SEMA5A: variants seen among roughly 807,000 people sequenced by gnomAD.
The protein encoded by SEMA5A is semaphorin 5A, also known as semaphorin-5A.
Under a neutral mutation model 135.5 loss-of-function variants are expected in SEMA5A, and 55 were observed. The observed-to-expected ratio is 0.41, with a 90% CI of 0.33 to 0.51. The LOEUF (loss-of-function observed/expected upper bound fraction) is 0.51, where lower values mean the gene tolerates loss of function less well. Among genes scored for constraint, SEMA5A ranks in the 20% least tolerant of loss-of-function variants. SEMA5A has a pLI of 0.37. For missense variants in SEMA5A, 1,290 were observed against 1,419.9 expected (o/e 0.91, Z 1.47); for synonymous variants, 580 against 546.5 (o/e 1.06, Z -0.85).
rs186381424 is a variant in SEMA5A, at chr5:9,056,059, T to C, written c.2519-1802A>G. On this transcript the variant is annotated intron_variant, in intron 18 of 22. Coordinates refer to ENST00000382496, the MANE Select transcript of SEMA5A (RefSeq NM_003966.3). ...TAGTAATGGCAAGTGTCTTAGATCT[T>C]GGCTTTCTAAATGCGCACAAGGCAG... Among the ~76,000 whole-genome samples, 3 of 152,268 alleles carry C rather than the reference T, an allele frequency of 2.0e-5. No individual in the cohort carries two copies. The East Asian group carries it at 5.8e-4, about 29-fold the overall frequency.
chr5:9,251,280 T>C (rs1177807223), intron 5 of SEMA5A, among the ~76,000 whole-genome samples: 1 of 152,132 alleles, frequency 6.6e-6, no homozygotes, highest in Non-Finnish European at 1.5e-5. Flanking sequence ...ACCCAGCCTA[T>C]GGTAATCTAA....
At chr5:9,404,268 C>T (rs551941589) in intron 2 of SEMA5A, among the ~76,000 whole-genome samples, 5 of 152,282 alleles carry the variant, frequency 3.3e-5, no homozygotes, top group Non-Finnish European at 7.4e-5. Context: ...CATATGATTT[C>T]TCTGTTCATT....
intron 2 of SEMA5A, among the ~76,000 whole-genome samples, chr5:9,388,534 C>T (rs1407572658): frequency 1.3e-5 from 2 of 151,756 alleles, no homozygotes; most frequent in African/African-American, 4.8e-5. Flanking sequence ...ATGTAACTAC[C>T]TTGGCAATTT....
At chr5:9,390,522 T>C (rs1756114409) in intron 2 of SEMA5A, among the ~76,000 whole-genome samples, 1 of 152,210 alleles carries the variant, frequency 6.6e-6, no homozygotes, top group Non-Finnish European at 1.5e-5. Flanking sequence ...CTAATAAACT[T>C]AGATAAACTA....
At chr5:9,250,617 GA>G (rs1453495752) in intron 5 of SEMA5A, among the ~76,000 whole-genome samples, 2 of 152,102 alleles carry the variant, frequency 1.3e-5, no homozygotes, top group Non-Finnish European at 2.9e-5. Context: ...ACCAACCAAA[GA>G]AAATCTTATG....
At chr5:9,529,921 T>C (rs1737348256) in intron 1 of SEMA5A, among the ~76,000 whole-genome samples, 1 of 152,202 alleles carries the variant, frequency 6.6e-6, no homozygotes, top group African/African-American at 2.4e-5. Context: ...CCTGTAGCCC[T>C]AGGCATAGTT....
chr5:9,498,379 GA>G (rs1406030405), intron 1 of SEMA5A: 1 of 152,160 alleles, frequency 6.6e-6, no homozygotes, highest in African/African-American at 2.4e-5. Context: ...ACCATCCATC[GA>G]ATTCTTTGGA....
At chr5:9,415,611 T>C (rs1215439636) in intron 2 of SEMA5A, among the ~76,000 whole-genome samples, 2 of 152,130 alleles carry the variant, frequency 1.3e-5, no homozygotes, top group Non-Finnish European at 2.9e-5. Context: ...TGGCGAAGTA[T>C]CAAAAGGCAA....
At chr5:9,298,088 C>T (rs988704804) in intron 5 of SEMA5A, among the ~76,000 whole-genome samples, 3 of 152,144 alleles carry the variant, frequency 2.0e-5, no homozygotes, top group African/African-American at 7.2e-5. Flanking sequence ...GAAGTCCTAA[C>T]CCCCAGTACC....
rs200334292 is a variant in SEMA5A at position 9,352,341 on chromosome 5, TCTATCTAGCTATCTAG to T, written c.125-14545_125-14530del. 3.8e-3 allele frequency among the ~76,000 whole-genome samples: 573 copies of T among 152,264 alleles called. 6 individuals carry two copies. The highest frequency in any genetic ancestry group is 0.013 in the African/African-American group (545 of 41,510). ...TTTTTAATTTGTATCTATCTATCCA[TCTATCTAGCTATCTAG>T]CTATCTAGCTAGCTAGCTATCGTCT... On this transcript the variant is annotated intron_variant, in intron 3 of 22. Coordinates refer to ENST00000382496, the MANE Select transcript of SEMA5A (RefSeq NM_003966.3).
At chr5:9,102,621 T>A (rs1488664115) in intron 16 of SEMA5A, among the ~76,000 whole-genome samples, 1 of 151,122 alleles carries the variant, frequency 6.6e-6, no homozygotes, top group East Asian at 1.9e-4. Context: ...AAAACAGCAT[T>A]GTCAGAAGTT....
intron 1 of SEMA5A, among the ~76,000 whole-genome samples, chr5:9,497,892 T>G (rs1735384476): frequency 6.6e-6 from 1 of 152,230 alleles, no homozygotes; most frequent in South Asian, 2.1e-4. Context: ...GGAAGATTCA[T>G]TCTATTATTT....
chr5:9,231,874 T>TC (rs1351829593), intron 6 of SEMA5A, among the ~76,000 whole-genome samples: 4 of 152,220 alleles, frequency 2.6e-5, no homozygotes, highest in Non-Finnish European at 5.9e-5. Context: ...CTCCAAGGCC[T>TC]CTAGCAGCTT....
chr5:9,396,667 T>A (rs1756416222), intron 2 of SEMA5A, among the ~76,000 whole-genome samples: 1 of 151,978 alleles, frequency 6.6e-6, no homozygotes, highest in African/African-American at 2.4e-5. Flanking sequence ...ATACTCAAAC[T>A]CTCAAATCCT....
intron 1 of SEMA5A, among the ~76,000 whole-genome samples, chr5:9,475,053 T>C (rs1051429065): frequency 6.6e-6 from 1 of 152,238 alleles, no homozygotes; most frequent in African/African-American, 2.4e-5. Context: ...GTGATTGTCC[T>C]GCCTCAGCCT....
intron 5 of SEMA5A, among the ~76,000 whole-genome samples, chr5:9,290,091 G>T (rs74804480): frequency 0.13 from 19,522 of 151,958 alleles, 1,316 homozygotes; most frequent in South Asian, 0.2. Flanking sequence ...GAAACAGGTG[G>T]TGTTTGGTTA....
chr5:9,331,078 A>G (rs1333717616), intron 4 of SEMA5A, among the ~76,000 whole-genome samples: 1 of 152,186 alleles, frequency 6.6e-6, no homozygotes, highest in African/African-American at 2.4e-5. Flanking sequence ...TGTCAACTTG[A>G]CTAAAATATA....
intron 9 of SEMA5A, among the ~76,000 whole-genome samples, chr5:9,197,772 GTGTGTGTGTGTGTT>G (rs1745490964): frequency 7.5e-6 from 1 of 132,944 alleles, no homozygotes; most frequent in Non-Finnish European, 1.6e-5. Flanking sequence ...GTGTGTGTGT[GTGTGTGTGTGTGTT>G]TTAACCCAGA....
At chr5:9,281,857 C>T (rs1750561168) in intron 5 of SEMA5A, among the ~76,000 whole-genome samples, 1 of 138,020 alleles carries the variant, frequency 7.2e-6, no homozygotes, top group Non-Finnish European at 1.5e-5. Flanking sequence ...CAGAGCCTTG[C>T]TCTGTCACCC....
Sources: allele counts gnomAD v4.1 joint callset (sites outside exome capture counted in the v4.1 genomes callset), GRCh38; gene constraint gnomAD v4.1.1; transcripts MANE v1.5; gene names NCBI Gene and HGNC (gene_info 2026-07-23, HGNC 2026-07-21).